The following ATRNL1 variants were observed in gnomAD, a reference collection of about 807,000 sequenced individuals.
The protein encoded by ATRNL1 is attractin-like protein 1.
ATRNL1 carries 95 observed loss-of-function variants against 182.7 expected under a neutral mutation model. That is an observed-to-expected ratio of 0.52 (90% CI 0.44 to 0.62). The LOEUF (loss-of-function observed/expected upper bound fraction) is 0.62, where lower values mean the gene tolerates loss of function less well. Ranked by LOEUF, ATRNL1 falls within the 20% of genes least tolerant of loss-of-function variation. The pLI, the probability that ATRNL1 is intolerant of heterozygous loss-of-function variation, is 0.00. For missense variants in ATRNL1, 1,471 were observed against 1,679.5 expected (o/e 0.88, Z 2.17); for synonymous variants, 576 against 568.3 (o/e 1.01, Z -0.19).
Position 115,281,400 on chromosome 10 carries a change from T to A in ATRNL1, c.2146T>A (p.Cys716Ser). 5 of 1,613,500 alleles carry A rather than the reference T, an allele frequency of 3.1e-6. No individual in the cohort carries two copies. Among genetic ancestry groups the A allele is most frequent in the Non-Finnish European group, 4.2e-6 (5 of 1,179,662 alleles). ...TKCHVRNEQI[C>S]NKLTSCKSCS... Reference sequence around the variant, plus strand: ...ATGTCATGTGAGAAATGAGCAGATTTGTAACAAACTTACCAGCTGTAAAAG... The same window carrying A: ...ATGTCATGTGAGAAATGAGCAGATTAGTAACAAACTTACCAGCTGTAAAAG... The change falls in exon 14 of 29, where the codon TGT becomes AGT. Residue 716 changes from cysteine to serine, a missense_variant. Around this residue, in one of 3 missense-constraint regions of ATRNL1, gnomAD observed 1,031 missense variants for 1,156.0 expected, o/e 0.89. Transcript: ENST00000355044.
chr10:115,909,750 G>A (rs1952618618), intron 28 of ATRNL1, among the ~76,000 whole-genome samples: 1 of 151,734 alleles, frequency 6.6e-6, no homozygotes, highest in Non-Finnish European at 1.5e-5. Flanking sequence ...GACATATACT[G>A]AATATGTTTA....
At position 115,791,939 on chromosome 10, in the gene ATRNL1, A is replaced by G. The variant is rs528916771; in HGVS notation, c.3904-55938A>G. ...GTTTCTGCTATTTGTTACCTATTCT[A>G]GTAACAGAAAACCTCATGCTTATCT... On this transcript the variant is annotated intron_variant, in intron 27 of 28. Transcript: ENST00000355044. Among the ~76,000 whole-genome samples the G allele has an allele frequency of 7.6e-4, 115 of 152,308 alleles. 1 individual carries two copies. The highest frequency in any genetic ancestry group is 3.4e-3 in the Middle Eastern group (1 of 294).
At chr10:115,899,612 A>G (rs920587622) in intron 28 of ATRNL1, among the ~76,000 whole-genome samples, 1 of 152,108 alleles carries the variant, frequency 6.6e-6, no homozygotes, top group Non-Finnish European at 1.5e-5. Flanking sequence ...CAGGCCCATT[A>G]TATGAAATTT....
At chr10:115,441,367 C>A (rs782127834) in intron 21 of ATRNL1, among the ~76,000 whole-genome samples, 1 of 151,870 alleles carries the variant, frequency 6.6e-6, no homozygotes, top group Non-Finnish European at 1.5e-5. Flanking sequence ...TCCTTACCAC[C>A]CATTTCCTCT....
chr10:115,891,656 C>T (rs1197916247), intron 28 of ATRNL1, among the ~76,000 whole-genome samples: 1 of 152,056 alleles, frequency 6.6e-6, no homozygotes, highest in Non-Finnish European at 1.5e-5. Flanking sequence ...TCTCCAAATA[C>T]TAGATCACTT....
At chr10:115,411,245 A>G (rs797026329) in intron 20 of ATRNL1, among the ~76,000 whole-genome samples, 5 of 150,352 alleles carry the variant, frequency 3.3e-5, no homozygotes, top group African/African-American at 1.2e-4. Flanking sequence ...TGTTCGTATT[A>G]TAAATTCAAA....
chr10:115,598,482 G>C (rs899690570), intron 26 of ATRNL1, among the ~76,000 whole-genome samples: 1 of 151,424 alleles, frequency 6.6e-6, no homozygotes, highest in Non-Finnish European at 1.5e-5. Context: ...TCCTGCCTCA[G>C]CCTCCTGAGT....
intron 8 of ATRNL1, among the ~76,000 whole-genome samples, chr10:115,184,062 A>G (rs571992085): frequency 7.3e-5 from 11 of 151,616 alleles, no homozygotes; most frequent in African/African-American, 2.2e-4. Context: ...ATAATTAAGT[A>G]TAATTAAGTG....
At chr10:115,713,942 A>G (rs886494542) in intron 26 of ATRNL1, among the ~76,000 whole-genome samples, 2 of 152,244 alleles carry the variant, frequency 1.3e-5, no homozygotes, top group African/African-American at 4.8e-5. Context: ...ACTTCTTTGT[A>G]GTTTACTATG....
chr10:115,475,218 A>G (rs1848478319), intron 24 of ATRNL1, among the ~76,000 whole-genome samples: 2 of 151,462 alleles, frequency 1.3e-5, no homozygotes, highest in African/African-American at 4.8e-5. Flanking sequence ...TTTCATTTTA[A>G]TGAATTTTGG....
At position 115,849,708 on chromosome 10, in the gene ATRNL1, A is replaced by G. The variant is rs1272901808; in HGVS notation, c.4018+1717A>G. On this transcript the variant is annotated intron_variant, in intron 28 of 28. Coordinates refer to ENST00000355044, the MANE Select transcript of ATRNL1 (RefSeq NM_207303.4). ...AGGTATTATAAAACTAACATCATAAATGAGGGGAGTGAGACGTAGAAAGCA... is the reference window on the plus strand; with the variant it reads ...AGGTATTATAAAACTAACATCATAAGTGAGGGGAGTGAGACGTAGAAAGCA... Among the ~76,000 whole-genome samples, 3 of 152,306 alleles carry G rather than the reference A, an allele frequency of 2.0e-5. No individual in the cohort carries two copies. The South Asian group carries it at 6.2e-4, about 32-fold the overall frequency.
intron 27 of ATRNL1, among the ~76,000 whole-genome samples, chr10:115,771,476 C>T (rs559916978): frequency 9.2e-5 from 14 of 152,236 alleles, no homozygotes; most frequent in East Asian, 3.9e-4. Context: ...GTGATCCGCC[C>T]GCCTAGGCCT....
chr10:115,215,550 G>A (rs782010619), intron 8 of ATRNL1, 147 bp from the exon 9 acceptor site: 2 of 632,392 alleles, frequency 3.2e-6, no homozygotes, highest in Non-Finnish European at 5.0e-6. Context: ...TACTTAATAA[G>A]TGTTTCTTGA....
intron 26 of ATRNL1, among the ~76,000 whole-genome samples, chr10:115,610,980 T>C (rs376147878): frequency 6.6e-6 from 1 of 151,742 alleles, no homozygotes; most frequent in African/African-American, 2.4e-5. Context: ...TTTAAACATG[T>C]ACATGATATA....
intron 27 of ATRNL1, among the ~76,000 whole-genome samples, chr10:115,845,527 T>C (rs1950907830): frequency 6.6e-6 from 1 of 152,048 alleles, no homozygotes; most frequent in African/African-American, 2.4e-5. Flanking sequence ...ATTTGATGTT[T>C]TGAAATATTT....
intron 3 of ATRNL1, among the ~76,000 whole-genome samples, chr10:115,124,496 G>C (rs1554872759): frequency 1.3e-5 from 2 of 152,106 alleles, no homozygotes; most frequent in African/African-American, 4.8e-5. Context: ...CTGAGCTTCA[G>C]GTGTCCAGAG....
intron 5 of ATRNL1, among the ~76,000 whole-genome samples, chr10:115,145,300 A>C (rs917737083): frequency 2.0e-5 from 3 of 152,146 alleles, no homozygotes; most frequent in African/African-American, 7.2e-5. Flanking sequence ...AATATTTTAC[A>C]TATTGAGATT....
rs533681985 is a variant in ATRNL1, at chr10:115,096,746, G to T, written c.293+2703G>T. On this transcript the variant is annotated intron_variant, in intron 1 of 28. Transcript: ENST00000355044. ...AGAAGCAAATATAGTATCAAAAGTG[G>T]TACTTCAGTTCTCTTAGCATTGATT... is the stretch of plus-strand genomic sequence containing the variant. 12 of 1,280,808 alleles carry T rather than the reference G, an allele frequency of 9.4e-6. No individual in the cohort carries two copies. In the South Asian group the frequency reaches 1.4e-4, roughly 15 times the overall value. 79.3% of individuals were successfully genotyped at this position (1,280,808 alleles called of 1,614,324 possible).
intron 27 of ATRNL1, among the ~76,000 whole-genome samples, chr10:115,825,240 A>G (rs1283098292): frequency 6.6e-6 from 1 of 152,042 alleles, no homozygotes; most frequent in Non-Finnish European, 1.5e-5. Context: ...ATGAGAACAC[A>G]AGGATGCAGA....
Sources: gnomAD v4.1 joint callset for allele counts (sites outside exome capture counted in the v4.1 genomes callset) on GRCh38, gnomAD v4.1.1 for gene constraint, gnomAD v4.1.1 regional missense constraint, MANE v1.5 for transcripts, NCBI Gene and HGNC (gene_info 2026-07-23, HGNC 2026-07-21) for gene names.